SLC10A7: variants seen among roughly 807,000 people sequenced by gnomAD.
The protein encoded by SLC10A7 is solute carrier family 10 member 7.
Under a neutral mutation model 43.2 loss-of-function variants are expected in SLC10A7, and 29 were observed. The ratio of observed to expected loss-of-function variants is 0.67; its 90% CI spans 0.50 to 0.92. SLC10A7 has a LOEUF of 0.92. Ranked by LOEUF, SLC10A7 falls within the 40% of genes least tolerant of loss-of-function variation. The pLI is 0.00. For synonymous variants in SLC10A7, 152 were observed against 144.8 expected (o/e 1.05, Z -0.35); for missense variants, 295 against 403.2 (o/e 0.73, Z 2.30).
chr4:146,444,137 A>T (rs1730833685), intron 4 of SLC10A7, among the ~76,000 whole-genome samples: 1 of 152,226 alleles, frequency 6.6e-6, no homozygotes. Flanking sequence ...TCCAGGAAAA[A>T]GTTTTATGTA....
intron 5 of SLC10A7, among the ~76,000 whole-genome samples, chr4:146,344,539 G>A (rs938542973): frequency 2.6e-5 from 4 of 151,850 alleles, no homozygotes; most frequent in South Asian, 2.1e-4. Context: ...TAGTTTTCAC[G>A]GTGTGGCCTG....
chr4:146,518,197 A>C (rs568391666), intron 1 of SLC10A7, among the ~76,000 whole-genome samples: 195 of 152,338 alleles, frequency 1.3e-3, no homozygotes, highest in African/African-American at 4.3e-3. Context: ...AACAAAAAAC[A>C]ACATTCTTTC....
At chr4:146,331,167 ACC>A (rs199641525) in intron 5 of SLC10A7, among the ~76,000 whole-genome samples, 1,728 of 152,182 alleles carry the variant, frequency 0.011, 13 homozygotes, top group Non-Finnish European at 0.018. Flanking sequence ...ACGTACACTC[ACC>A]CAGATAAATT....
Position 146,369,808 on chromosome 4 carries a change from T to C in SLC10A7, c.436-43812A>G, listed in dbSNP as rs570483718. 3.3e-5 allele frequency among the ~76,000 whole-genome samples: 5 copies of C among 152,328 alleles called. No individual in the cohort carries two copies. The East Asian group carries it at 9.6e-4, about 29-fold the overall frequency. ...CACATCTTTGATAAATATCAAATGA[T>C]ACTATAAGCATAAAACTTAATTGTA... On this transcript the variant is annotated intron_variant, in intron 5 of 11. Transcript: ENST00000335472.
chr4:146,461,568 A>G (rs560949145), intron 4 of SLC10A7, among the ~76,000 whole-genome samples: 1 of 152,142 alleles, frequency 6.6e-6, no homozygotes, highest in East Asian at 1.9e-4. Context: ...AATAATCCCC[A>G]GGAAAGCCTC....
In SLC10A7 at chr4:146,347,423, A is replaced by G. The variant is rs57113887; in HGVS notation, c.436-21427T>C. The stretch of plus-strand genomic sequence containing the variant: ...TGGAAATTTAACTTTCCTCAGTGCT[A>G]AAACTTTGTTTTTTAAAAATTTTAC... On this transcript the variant is annotated intron_variant, in intron 5 of 11. Coordinates refer to ENST00000335472, the MANE Select transcript of SLC10A7 (RefSeq NM_001029998.6). Among the ~76,000 whole-genome samples the G allele has an allele frequency of 3.0e-3, 457 of 152,312 alleles. 2 individuals carry two copies. Among genetic ancestry groups the G allele is most frequent in the African/African-American group, 0.01 (435 of 41,568 alleles).
chr4:146,496,464 A>T (rs1395726799), intron 4 of SLC10A7, among the ~76,000 whole-genome samples: 1 of 152,058 alleles, frequency 6.6e-6, no homozygotes, highest in Non-Finnish European at 1.5e-5. Flanking sequence ...CCCTCCCCCT[A>T]GGTGGATCAT....
intron 10 of SLC10A7, among the ~76,000 whole-genome samples, chr4:146,276,262 T>C (rs1375610029): frequency 6.6e-6 from 1 of 152,212 alleles, no homozygotes; most frequent in Non-Finnish European, 1.5e-5. Context: ...AAAGTATTTG[T>C]TGTAGCTGCC....
chr4:146,346,919 G>C (rs986295627), intron 5 of SLC10A7, among the ~76,000 whole-genome samples: 2 of 152,008 alleles, frequency 1.3e-5, no homozygotes, highest in Admixed American at 1.3e-4. Context: ...CCCAAGAGGA[G>C]GGGGGAAACA....
At chr4:146,473,986 A>T (rs1388016169) in intron 4 of SLC10A7, among the ~76,000 whole-genome samples, 1 of 152,142 alleles carries the variant, frequency 6.6e-6, no homozygotes, top group South Asian at 2.1e-4. Context: ...CACATTAAAG[A>T]GGTGAGCTTG....
intron 3 of SLC10A7, among the ~76,000 whole-genome samples, chr4:146,508,238 C>A (rs1057031581): frequency 6.6e-6 from 1 of 152,144 alleles, no homozygotes; most frequent in African/African-American, 2.4e-5. Context: ...CATGGTGCCC[C>A]ATTTTAGTGA....
At chr4:146,461,575 C>T (rs1174952063) in intron 4 of SLC10A7, among the ~76,000 whole-genome samples, 1 of 151,974 alleles carries the variant, frequency 6.6e-6, no homozygotes, top group Non-Finnish European at 1.5e-5. Flanking sequence ...CCCAGGAAAG[C>T]CTCTTTCCTT....
intron 5 of SLC10A7, among the ~76,000 whole-genome samples, chr4:146,426,711 T>TA (rs1729382864): frequency 6.6e-6 from 1 of 151,850 alleles, no homozygotes; most frequent in African/African-American, 2.4e-5. Flanking sequence ...CCGTCTCTAT[T>TA]AAAAAATACA....
At chr4:146,362,337 T>A (rs1329581810) in intron 5 of SLC10A7, among the ~76,000 whole-genome samples, 1 of 152,044 alleles carries the variant, frequency 6.6e-6, no homozygotes, top group African/African-American at 2.4e-5. Flanking sequence ...AAAGAAAGGA[T>A]GCTAAAAACA....
chr4:146,457,748 C>T (rs1732192875), intron 4 of SLC10A7, among the ~76,000 whole-genome samples: 1 of 151,808 alleles, frequency 6.6e-6, no homozygotes, highest in African/African-American at 2.4e-5. Flanking sequence ...ATGAAATGAA[C>T]AAATTCCTTG....
At chr4:146,376,539 G>C (rs935327664) in intron 5 of SLC10A7, among the ~76,000 whole-genome samples, 1 of 152,116 alleles carries the variant, frequency 6.6e-6, no homozygotes, top group Non-Finnish European at 1.5e-5. Flanking sequence ...TTAACATTGA[G>C]AAGAGTTCAG....
chr4:146,423,596 TA>T (rs1173650889), intron 5 of SLC10A7, among the ~76,000 whole-genome samples: 1 of 152,002 alleles, frequency 6.6e-6, no homozygotes, highest in Non-Finnish European at 1.5e-5. Flanking sequence ...AGCGAGGTGG[TA>T]AAAAAGATCA....
chr4:146,306,870 A>G (rs963976547), intron 6 of SLC10A7, among the ~76,000 whole-genome samples: 4 of 152,176 alleles, frequency 2.6e-5, no homozygotes, highest in African/African-American at 9.6e-5. Context: ...CTACCAAACC[A>G]TCGATAATTG....
At chr4:146,310,733 A>G (rs1731917421) in intron 6 of SLC10A7, among the ~76,000 whole-genome samples, 1 of 152,124 alleles carries the variant, frequency 6.6e-6, no homozygotes, top group Non-Finnish European at 1.5e-5. Context: ...ACAAGAGGCA[A>G]CAGTGGCACA....
Sources: gnomAD v4.1 joint callset for allele counts (sites outside exome capture counted in the v4.1 genomes callset) on GRCh38, gnomAD v4.1.1 for gene constraint, MANE v1.5 for transcripts, NCBI Gene and HGNC (gene_info 2026-07-23, HGNC 2026-07-21) for gene names.